The following ABCC1 variants were observed in gnomAD, a reference collection of about 807,000 sequenced individuals.
The protein encoded by ABCC1 is ATP binding cassette subfamily C member 1 (ABCC1 blood group).
In ABCC1, 83 loss-of-function variants were observed where a neutral mutation model predicts 172.9. The observed-to-expected ratio is 0.48, with a 90% CI of 0.40 to 0.58. The LOEUF is 0.58. Ranked by LOEUF, ABCC1 falls within the 20% of genes least tolerant of loss-of-function variation. The pLI, the probability that ABCC1 is intolerant of heterozygous loss-of-function variation, is 0.00. For synonymous variants in ABCC1, 937 were observed against 825.2 expected (o/e 1.14, Z -2.32); for missense variants, 1,817 against 2,002.7 (o/e 0.91, Z 1.77).
intron 1 of ABCC1, among the ~76,000 whole-genome samples, chr16:15,983,878 A>G (rs1047632547): frequency 6.6e-6 from 1 of 151,958 alleles, no homozygotes; most frequent in Non-Finnish European, 1.5e-5. Flanking sequence ...TTAAAGACTA[A>G]ATTCCCTTAG....
chr16:16,131,115 C>T (rs1011870549), intron 26 of ABCC1, among the ~76,000 whole-genome samples: 3 of 150,904 alleles, frequency 2.0e-5, no homozygotes, highest in South Asian at 2.1e-4. Context: ...AGTGAGACTC[C>T]ATCTCAAAAA....
chr16:15,981,588 C>A (rs1311229248), intron 1 of ABCC1, among the ~76,000 whole-genome samples: 1 of 152,132 alleles, frequency 6.6e-6, no homozygotes, highest in Non-Finnish European at 1.5e-5. Context: ...CAAAGTGTAC[C>A]AACTCCCTAG....
intron 8 of ABCC1, 60 bp from the exon 9 acceptor site, chr16:16,045,776 T>C: frequency 6.5e-7 from 1 of 1,548,452 alleles, no homozygotes. Flanking sequence ...ACACTGAAGC[T>C]CTCTTCCCTG....
At chr16:16,070,411 T>A (rs2050297657) in intron 13 of ABCC1, among the ~76,000 whole-genome samples, 1 of 151,902 alleles carries the variant, frequency 6.6e-6, no homozygotes, top group South Asian at 2.1e-4. Context: ...ATGCCTGTAA[T>A]CCCAGCACTC....
rs45481194 is a variant in ABCC1 at position 16,101,695 on chromosome 16, G to A, written c.2645-932G>A. On this transcript the variant is annotated intron_variant, in intron 19 of 30. Transcript: ENST00000399410. Reference sequence around the variant, plus strand: ...AAGAATGAGGCAGTCAGTGCGGAGTGGGGGCAGTAGTCATCATCATCACTG... The same window carrying A: ...AAGAATGAGGCAGTCAGTGCGGAGTAGGGGCAGTAGTCATCATCATCACTG... Among the ~76,000 whole-genome samples the A allele has an allele frequency of 5.0e-3, 756 of 152,276 alleles. 6 individuals carry two copies. Among genetic ancestry groups the A allele is most frequent in the African/African-American group, 0.017 (718 of 41,552 alleles).
At chr16:16,010,880 C>A (rs2047750222) in intron 3 of ABCC1, among the ~76,000 whole-genome samples, 1 of 152,148 alleles carries the variant, frequency 6.6e-6, no homozygotes, top group Admixed American at 6.5e-5. Context: ...CCCCTGCAAC[C>A]TGCAGCTTCT....
chr16:16,035,715 GA>G (rs2048728324), intron 6 of ABCC1, among the ~76,000 whole-genome samples: 1 of 151,412 alleles, frequency 6.6e-6, no homozygotes, highest in African/African-American at 2.4e-5. Flanking sequence ...GGCTGGTCTT[GA>G]ACTCCAGGGC....
At chr16:16,080,344 T>G (rs920487648) in intron 16 of ABCC1, among the ~76,000 whole-genome samples, 17 of 152,190 alleles carry the variant, frequency 1.1e-4, no homozygotes, top group African/African-American at 4.1e-4. Flanking sequence ...CAGTTTAAAT[T>G]TTTAGTGTTG....
chr16:16,113,604 G>A (rs775925036), intron 22 of ABCC1, among the ~76,000 whole-genome samples: 3 of 152,154 alleles, frequency 2.0e-5, no homozygotes, highest in Non-Finnish European at 2.9e-5. Flanking sequence ...GCAGTGAGCC[G>A]TGATCACAGC....
intron 15 of ABCC1, among the ~76,000 whole-genome samples, chr16:16,077,076 G>A (rs2050604561): frequency 6.6e-6 from 1 of 152,128 alleles, no homozygotes; most frequent in Non-Finnish European, 1.5e-5. Context: ...AGCACATGAT[G>A]TCTAGGAAAT....
At chr16:15,997,092 T>TC (rs887405182) in intron 1 of ABCC1, among the ~76,000 whole-genome samples, 7 of 83,188 alleles carry the variant, frequency 8.4e-5, no homozygotes, top group Non-Finnish European at 1.7e-4. Flanking sequence ...ATGCGCTTTC[T>TC]CTTTTTTTTT....
chr16:16,142,376 C>T lies in ABCC1; in HGVS notation c.*1095C>T, dbSNP rs2046155573. ...TTTTCTTTCCCTCTCATGGTACCTG[C>T]TCATGGTTATGAAGCTTTCAAAGTA... On this transcript the variant is annotated 3_prime_UTR_variant, in exon 31 of 31. Coordinates refer to ENST00000399410, the MANE Select transcript of ABCC1 (RefSeq NM_004996.4). 1 of 152,210 alleles carries T rather than the reference C, an allele frequency of 6.6e-6. No individual in the cohort carries two copies. The highest frequency in any genetic ancestry group is 6.5e-5 in the Admixed American group (1 of 15,284). 9.4% of individuals were successfully genotyped at this position (152,210 alleles called of 1,614,324 possible).
At chr16:16,044,817 C>A in intron 8 of ABCC1, 137 bp downstream of exon 8, 1 of 793,244 alleles carries the variant, frequency 1.3e-6, no homozygotes, top group Non-Finnish European at 2.0e-6. Context: ...TTTACTTTAG[C>A]TTTTTTGAAA....
chr16:16,092,655 C>T (rs1418147379), intron 19 of ABCC1, among the ~76,000 whole-genome samples: 1 of 152,144 alleles, frequency 6.6e-6, no homozygotes, highest in African/African-American at 2.4e-5. Flanking sequence ...CACTTTCTGA[C>T]TCTTGTGAAT....
At chr16:16,097,021 A>G (rs534156335) in intron 19 of ABCC1, among the ~76,000 whole-genome samples, 1 of 151,954 alleles carries the variant, frequency 6.6e-6, no homozygotes, top group Admixed American at 6.6e-5. Flanking sequence ...TGTGGCACTT[A>G]TTGCTGCCTG....
intron 17 of ABCC1, among the ~76,000 whole-genome samples, chr16:16,083,787 G>A (rs940674858): frequency 1.3e-5 from 2 of 152,152 alleles, no homozygotes; most frequent in Non-Finnish European, 2.9e-5. Flanking sequence ...CCAAAGGGGG[G>A]CTCTTCTCAT....
chr16:16,062,183 G>A (rs947655220), intron 12 of ABCC1, among the ~76,000 whole-genome samples: 8 of 152,158 alleles, frequency 5.3e-5, no homozygotes, highest in Admixed American at 2.6e-4. Context: ...GATGGGCAGC[G>A]TGTTCTCACA....
At chr16:16,008,102 T>G in intron 2 of ABCC1, 110 bp downstream of exon 2, 1 of 1,127,522 alleles carries the variant, frequency 8.9e-7, no homozygotes, top group Non-Finnish European at 1.3e-6. Context: ...CCTAAGTTCC[T>G]TCTTCTAGAA....
intron 24 of ABCC1, among the ~76,000 whole-genome samples, chr16:16,122,689 A>G (rs2045221878): frequency 1.3e-5 from 2 of 149,532 alleles, no homozygotes; most frequent in African/African-American, 5.0e-5. Context: ...CCTGGGCAAC[A>G]TAGCAAGACC....
Sources: allele counts gnomAD v4.1 joint callset (sites outside exome capture counted in the v4.1 genomes callset), GRCh38; gene constraint gnomAD v4.1.1; transcripts MANE v1.5; gene names NCBI Gene and HGNC (gene_info 2026-07-23, HGNC 2026-07-21).